FHIP2A: variants seen among roughly 807,000 people sequenced by gnomAD.
FHIP2A encodes family with sequence similarity 160 member B1.
FHIP2A carries 46 observed loss-of-function variants against 93.5 expected under a neutral mutation model. The ratio of observed to expected loss-of-function variants is 0.49; its 90% CI spans 0.39 to 0.63. The LOEUF (loss-of-function observed/expected upper bound fraction) is 0.63. FHIP2A is among the 20% of genes least tolerant of loss of function. FHIP2A has a pLI of 0.00. For synonymous variants in FHIP2A, 332 were observed against 326.5 expected (o/e 1.02, Z -0.18); for missense variants, 769 against 909.7 (o/e 0.85, Z 1.99).
At chr10:114,875,750 AAGAG>A (rs961703488) in intron 16 of FHIP2A, among the ~76,000 whole-genome samples, 6 of 149,452 alleles carry the variant, frequency 4.0e-5, no homozygotes, top group South Asian at 2.1e-4. Flanking sequence ...GAAAGAAAGA[AAGAG>A]AAAGAAAGAA....
At position 114,861,537 on chromosome 10, in the gene FHIP2A, A is replaced by G. The variant is rs1592026363; in HGVS notation, c.2295A>G (p.Pro765=). The G allele has an allele frequency of 6.2e-7, 1 of 1,613,142 alleles. No homozygotes were observed. The highest frequency in any genetic ancestry group is 1.3e-5 in the African/African-American group (1 of 75,036). The change falls in exon 17 of 17, where the codon CCA becomes CCG. Residue 765 remains proline (P), a synonymous_variant. Coordinates refer to ENST00000369248, the MANE Select transcript of FHIP2A (RefSeq NM_020940.4). ...AFVKYHASST[P] is the part of the protein sequence containing the mutation. ...TAAAATATCATGCTTCCTCCACACC[A>G]TAAATAACATCTTTCATGTAACTGG...
intron 14 of FHIP2A, among the ~76,000 whole-genome samples, chr10:114,858,411 C>G (rs949120620): frequency 6.6e-6 from 1 of 152,098 alleles, no homozygotes; most frequent in African/African-American, 2.4e-5. Context: ...TAACACCACA[C>G]AGAGAAAATA....
At chr10:114,837,284 G>A (rs1432401834) in intron 5 of FHIP2A, among the ~76,000 whole-genome samples, 1 of 152,152 alleles carries the variant, frequency 6.6e-6, no homozygotes, top group Non-Finnish European at 1.5e-5. Flanking sequence ...GGAGGCTGGT[G>A]CAGGTGGATC....
chr10:114,873,414 T>C (rs956186757), intron 16 of FHIP2A, among the ~76,000 whole-genome samples: 1 of 152,210 alleles, frequency 6.6e-6, no homozygotes, highest in Non-Finnish European at 1.5e-5. Flanking sequence ...GCTGAAATAG[T>C]ATTTGTCAAG....
At chr10:114,854,423 C>T (rs941775068) in intron 13 of FHIP2A, among the ~76,000 whole-genome samples, 7 of 151,376 alleles carry the variant, frequency 4.6e-5, no homozygotes, top group Non-Finnish European at 7.4e-5. Flanking sequence ...ACCTGGGAGG[C>T]GGAGGTTGTG....
chr10:114,853,542 G>A (rs951831540), intron 13 of FHIP2A, among the ~76,000 whole-genome samples: 4 of 152,172 alleles, frequency 2.6e-5, no homozygotes, highest in Non-Finnish European at 5.9e-5. Context: ...TGGCAGTACC[G>A]ATTGGATTTT....
chr10:114,821,989 C>A lies in FHIP2A; in HGVS notation c.-90C>A. 1.2e-6 allele frequency: 1 copy of A among 817,710 alleles called. No homozygotes were observed. The highest frequency in any genetic ancestry group is 1.7e-6 in the Non-Finnish European group (1 of 605,964). 50.7% of individuals were successfully genotyped at this position (817,710 alleles called of 1,614,324 possible). On this transcript the variant is annotated 5_prime_UTR_variant, in exon 1 of 17. Transcript: ENST00000369248. ...CCCCGCACCGGCCTTCACTCTGGAGCGGCCCCGGCAGCCGCAGCAGGGGCG... is the reference window on the plus strand; with the variant it reads ...CCCCGCACCGGCCTTCACTCTGGAGAGGCCCCGGCAGCCGCAGCAGGGGCG...
At chr10:114,825,754 A>T (rs554364984) in intron 1 of FHIP2A, among the ~76,000 whole-genome samples, 22 of 152,352 alleles carry the variant, frequency 1.4e-4, no homozygotes, top group African/African-American at 5.3e-4. Flanking sequence ...CAAAAGATAG[A>T]TAAAACACTT....
intron 1 of FHIP2A, among the ~76,000 whole-genome samples, chr10:114,825,168 C>A (rs1055424973): frequency 1.3e-5 from 2 of 152,130 alleles, no homozygotes; most frequent in Non-Finnish European, 2.9e-5. Context: ...TAGGCCAGCA[C>A]CACCACACTC....
At chr10:114,854,828 C>A (rs1436163809) in intron 13 of FHIP2A, among the ~76,000 whole-genome samples, 2 of 152,182 alleles carry the variant, frequency 1.3e-5, no homozygotes, top group African/African-American at 4.8e-5. Context: ...TGGTATATAC[C>A]ATTTTAGAAT....
At chr10:114,828,087 GT>G (rs1329318234) in intron 1 of FHIP2A, among the ~76,000 whole-genome samples, 2 of 151,806 alleles carry the variant, frequency 1.3e-5, no homozygotes, top group East Asian at 3.9e-4. Context: ...AGTAATGAAA[GT>G]TTACCAGAAA....
Position 114,862,126 on chromosome 10 carries a change from A to G in FHIP2A, c.*586A>G, listed in dbSNP as rs903954092. On this transcript the variant is annotated 3_prime_UTR_variant, in exon 17 of 17. Coordinates refer to ENST00000369248, the MANE Select transcript of FHIP2A (RefSeq NM_020940.4). ...ACTTTCTTCAGCTTTTTTAAGAATAACAATTTAATATGATAAATTCTTGAT... is the reference window on the plus strand; with the variant it reads ...ACTTTCTTCAGCTTTTTTAAGAATAGCAATTTAATATGATAAATTCTTGAT... 2.2e-6 allele frequency: 2 copies of G among 917,888 alleles called. No individual in the cohort carries two copies. The highest frequency in any genetic ancestry group is 1.2e-4 in the East Asian group (1 of 8,534). 56.9% of individuals were successfully genotyped at this position (917,888 alleles called of 1,614,324 possible).
rs1056102913 is a variant in FHIP2A at position 114,863,284 on chromosome 10, G to A, written c.*1744G>A. 9 of 982,782 alleles carry A rather than the reference G, an allele frequency of 9.2e-6. No homozygotes were observed. The highest frequency in any genetic ancestry group is 1.8e-5 in the African/African-American group (1 of 57,134). 60.9% of individuals were successfully genotyped at this position (982,782 alleles called of 1,614,324 possible). A position where few individuals can be genotyped will look rare whatever the true frequency, so the allele number is the denominator to read the frequency against. ...AATCACTTCATACAAGGAAAACTTC[G>A]ACATTTACATTTCTAGATGTAGTAA... is the stretch of plus-strand genomic sequence containing the variant. On this transcript the variant is annotated 3_prime_UTR_variant, in exon 17 of 17. Coordinates refer to ENST00000369248, the MANE Select transcript of FHIP2A (RefSeq NM_020940.4).
intron 16 of FHIP2A, among the ~76,000 whole-genome samples, chr10:114,891,028 C>CA (rs1406762341): frequency 5.0e-4 from 76 of 151,240 alleles, no homozygotes; most frequent in Non-Finnish European, 9.0e-4. Flanking sequence ...CCCGTCTCTA[C>CA]AAAAAAATTT....
downstream of FHIP2A, among the ~76,000 whole-genome samples, chr10:114,867,024 T>G (rs180712753): frequency 6.6e-6 from 1 of 151,900 alleles, no homozygotes; most frequent in Non-Finnish European, 1.5e-5. Flanking sequence ...GTCTGGCCAA[T>G]ATGGTGAAAC....
chr10:114,881,149 C>G (rs2083915140), intron 16 of FHIP2A, among the ~76,000 whole-genome samples: 1 of 152,194 alleles, frequency 6.6e-6, no homozygotes, highest in African/African-American at 2.4e-5. Flanking sequence ...TCTCCCAGCT[C>G]CCCTTTTGGG....
chr10:114,866,170 C>T (rs897036206), downstream of FHIP2A, among the ~76,000 whole-genome samples: 1 of 151,886 alleles, frequency 6.6e-6, no homozygotes. Context: ...TTGTTTCCCG[C>T]CCTATGTCAT....
chr10:114,842,093 C>G (rs1395796570), intron 5 of FHIP2A, among the ~76,000 whole-genome samples: 1 of 152,044 alleles, frequency 6.6e-6, no homozygotes, highest in Admixed American at 6.6e-5. Context: ...GGGTCTTGCT[C>G]TGTGCCCAGG....
intron 11 of FHIP2A, 43 bp from the exon 12 acceptor site, chr10:114,847,047 A>T (rs757370572): frequency 6.7e-7 from 1 of 1,503,260 alleles, no homozygotes; most frequent in Non-Finnish European, 9.1e-7. Flanking sequence ...AGAAAATGTC[A>T]TAATAAAATA....
Sources: allele counts gnomAD v4.1 joint callset (sites outside exome capture counted in the v4.1 genomes callset), GRCh38; gene constraint gnomAD v4.1.1; transcripts MANE v1.5; gene names NCBI Gene and HGNC (gene_info 2026-07-23, HGNC 2026-07-21).